Variants in SGSM1 observed in about 807,000 individuals in gnomAD.
SGSM1 encodes the protein RUN and TBC1 domain containing 2.
In SGSM1, 73 loss-of-function variants were observed where a neutral mutation model predicts 133.8. That is an observed-to-expected ratio of 0.55 (90% CI 0.45 to 0.66). SGSM1 has a LOEUF of 0.66. SGSM1 is among the 30% of genes least tolerant of loss of function. The pLI, the probability that SGSM1 is intolerant of heterozygous loss-of-function variation, is 0.00. For missense variants in SGSM1, 1,213 were observed against 1,448.1 expected, an observed-to-expected ratio of 0.84 and a Z score of 2.64; for synonymous variants, 563 against 573.0, an observed-to-expected ratio of 0.98 and a Z score of 0.25.
rs1933667199 is a variant in SGSM1, at chr22:24,912,585, A to G, written c.2819-58A>G. ...AACATGAGATTTGGAGAGGACAAAC[A>G]TCTGAACCATATCACTTGGGCAGCG... is the stretch of plus-strand genomic sequence containing the variant. On this transcript the variant is annotated intron_variant, in intron 21 of 24. Coordinates refer to ENST00000400358, the MANE Select transcript of SGSM1 (RefSeq NM_001098497.3). 2.6e-6 allele frequency: 3 copies of G among 1,170,290 alleles called. No individual in the cohort carries two copies. The South Asian group carries it at 3.9e-5, about 15-fold the overall frequency. The allele number at this position is 1,170,290 out of a possible 1,614,324, so 72.5% of individuals were successfully genotyped here.
rs777882616 is a variant in SGSM1, at chr22:24,898,037, C to A, written c.2088C>A (p.Pro696=). 6.2e-7 allele frequency: 1 copy of A among 1,613,578 alleles called. No homozygotes were observed. The highest frequency in any genetic ancestry group is 8.5e-7 in the Non-Finnish European group (1 of 1,179,772). The part of the protein sequence containing the change: ...EAEGRLEEKQ[P]KIPNGNLVNG... ...AAGGCAGATTGGAGGAGAAACAGCC[C>A]AAGATCCCCAATGGGAACCTAGTGA... Residue 696 remains proline (P), a synonymous_variant, in exon 19 of 25, where the codon CCC becomes CCA. Coordinates refer to ENST00000400358, the MANE Select transcript of SGSM1 (RefSeq NM_001098497.3).
chr22:24,922,361 T>C (rs1305238479), intron 24 of SGSM1, among the ~76,000 whole-genome samples: 2 of 151,890 alleles, frequency 1.3e-5, no homozygotes, highest in African/African-American at 4.8e-5. Context: ...TTTGTATTTT[T>C]AGTAGAGATG....
Position 24,877,808 on chromosome 22 carries a change from T to C in SGSM1, c.1430+1093T>C, listed in dbSNP as rs931196542. On this transcript the variant is annotated intron_variant, in intron 13 of 24. Transcript: ENST00000400358. ...TACTGGAGATTCTTTCTTTCTTTTT[T>C]TTTTTTTTTTTTTTTTTTTTGAGAC... is the stretch of plus-strand genomic sequence containing the variant. 4.3e-3 allele frequency among the ~76,000 whole-genome samples: 526 copies of C among 122,438 alleles called. 4 individuals are homozygous for C. The highest frequency in any genetic ancestry group is 0.015 in the African/African-American group (475 of 32,408). 80.3% of individuals were successfully genotyped at this position (122,438 alleles called of 152,430 possible).
intron 21 of SGSM1, among the ~76,000 whole-genome samples, chr22:24,907,323 T>C (rs1024056208): frequency 1.3e-5 from 2 of 151,880 alleles, no homozygotes; most frequent in African/African-American, 2.4e-5. Context: ...ACAATACTTA[T>C]GAGTAAACTT....
intron 3 of SGSM1, among the ~76,000 whole-genome samples, chr22:24,845,790 C>T (rs987926305): frequency 6.6e-6 from 1 of 151,962 alleles, no homozygotes; most frequent in Non-Finnish European, 1.5e-5. Context: ...CTCAGTTCAC[C>T]CTCTCTTCAG....
intron 13 of SGSM1, among the ~76,000 whole-genome samples, chr22:24,876,923 G>A (rs1055088105): frequency 6.6e-6 from 1 of 152,200 alleles, no homozygotes; most frequent in Non-Finnish European, 1.5e-5. Flanking sequence ...GTAACAAACA[G>A]TCCTAAAACC....
intron 8 of SGSM1, chr22:24,855,967 A>C (rs1930760352): frequency 1.7e-6 from 1 of 582,338 alleles, no homozygotes; most frequent in Non-Finnish European, 3.2e-6. Flanking sequence ...CTTTACATTC[A>C]CCCATCCACC....
At chr22:24,871,279 G>C (rs1931749918) in intron 12 of SGSM1, among the ~76,000 whole-genome samples, 1 of 152,190 alleles carries the variant, frequency 6.6e-6, no homozygotes, top group South Asian at 2.1e-4. Context: ...ACTGTATTCA[G>C]CTCTGCCACT....
chr22:24,883,209 G>A (rs192241164), intron 14 of SGSM1, among the ~76,000 whole-genome samples: 1 of 151,998 alleles, frequency 6.6e-6, no homozygotes, highest in Non-Finnish European at 1.5e-5. Flanking sequence ...CGGCCACCAC[G>A]GTTTCTTTAT....
At chr22:24,911,372 A>G (rs1255936984) in intron 21 of SGSM1, among the ~76,000 whole-genome samples, 2 of 147,894 alleles carry the variant, frequency 1.4e-5, no homozygotes, top group East Asian at 2.0e-4. Context: ...GCTCACTGCA[A>G]TCTCCGCCTC....
rs1334923537 is a variant in SGSM1 at position 24,905,308 on chromosome 22, T to G, written c.2818+121T>G. On this transcript the variant is annotated intron_variant, in intron 21 of 24. Coordinates refer to ENST00000400358, the MANE Select transcript of SGSM1 (RefSeq NM_001098497.3). ...GCTCCAGCCAGGTGCTCTGAAGGCC[T>G]GTCTGGTGAACACATCAAGATCCTA... is the stretch of plus-strand genomic sequence containing the variant. The G allele has an allele frequency of 9.6e-6, 9 of 936,618 alleles. No individual in the cohort carries two copies. In the Admixed American group the frequency reaches 1.6e-4, roughly 16 times the overall value. The allele number at this position is 936,618 out of a possible 1,614,324, so 58.0% of individuals were successfully genotyped here.
chr22:24,884,806 T>C (rs1003571110), intron 15 of SGSM1, among the ~76,000 whole-genome samples: 1 of 152,198 alleles, frequency 6.6e-6, no homozygotes, highest in African/African-American at 2.4e-5. Flanking sequence ...AACCTTTGCC[T>C]GAAAATGAAA....
chr22:24,806,533 G>A, intron 2 of SGSM1, 49 bp downstream of exon 2: 2 of 1,487,532 alleles, frequency 1.3e-6, no homozygotes, highest in Non-Finnish European at 8.9e-7. Context: ...GGCAGCAGCG[G>A]CCAAACGGGA....
rs1569152376 is a variant in SGSM1 at position 24,860,949 on chromosome 22, A to ATATATATATATATATAT, written c.926+1109_926+1110insTATATATATATATATAT. Among the ~76,000 whole-genome samples, 9 of 133,920 alleles carry ATATATATATATATATAT rather than the reference A, an allele frequency of 6.7e-5. No individual in the cohort carries two copies. In the South Asian group the frequency reaches 7.4e-4, roughly 11 times the overall value. 87.9% of individuals were successfully genotyped at this position (133,920 alleles called of 152,430 possible). On this transcript the variant is annotated intron_variant, in intron 9 of 24. Coordinates refer to ENST00000400358, the MANE Select transcript of SGSM1 (RefSeq NM_001098497.3). ...TATATATATATATATATATATATAT[A>ATATATATATATATATAT]ATTTTGAAGCAACATGCAGACATGA...
chr22:24,884,019 T>C (rs1459246455), intron 14 of SGSM1, 34 bp from the exon 15 acceptor site: 2 of 1,563,364 alleles, frequency 1.3e-6, no homozygotes, highest in South Asian at 2.3e-5. Context: ...CTTCAGGTGG[T>C]GGATGATGAC....
intron 12 of SGSM1, among the ~76,000 whole-genome samples, chr22:24,870,881 T>C (rs2147877978): frequency 6.6e-6 from 1 of 152,316 alleles, no homozygotes; most frequent in Non-Finnish European, 1.5e-5. Flanking sequence ...CACAGTTACC[T>C]CTATTGGTAA....
At chr22:24,832,170 G>A (rs1929156842) in intron 2 of SGSM1, among the ~76,000 whole-genome samples, 1 of 152,230 alleles carries the variant, frequency 6.6e-6, no homozygotes, top group South Asian at 2.1e-4. Context: ...GGTGGGAAGA[G>A]GCTTCCCTTA....
In SGSM1 at chr22:24,811,382, T is replaced by G. The variant is rs1300887337; in HGVS notation, c.63+4898T>G. On this transcript the variant is annotated intron_variant, in intron 2 of 24. Transcript: ENST00000400358. ...AATGTACTGTTCTTGAACAACTCAT[T>G]CTTACTGCTTTTAGATTGTCTTGAA... 4.6e-5 allele frequency among the ~76,000 whole-genome samples: 7 copies of G among 152,204 alleles called. No homozygotes were observed. The East Asian group carries it at 1.4e-3, about 29-fold the overall frequency.
At chr22:24,845,656 C>A (rs1005493022) in intron 3 of SGSM1, among the ~76,000 whole-genome samples, 2 of 152,184 alleles carry the variant, frequency 1.3e-5, no homozygotes, top group Non-Finnish European at 2.9e-5. Flanking sequence ...TGATCTTGGT[C>A]CTGTGGAGAG....
Sources: allele counts gnomAD v4.1 joint callset (sites outside exome capture counted in the v4.1 genomes callset), GRCh38; gene constraint gnomAD v4.1.1; transcripts MANE v1.5; gene names NCBI Gene and HGNC (gene_info 2026-07-23, HGNC 2026-07-21).